Variants in ADCY10 observed in about 807,000 individuals in gnomAD.
The protein encoded by ADCY10 is adenylate cyclase 10, also known as adenylate cyclase type 10.
A neutral mutation model predicts 183.3 loss-of-function variants in ADCY10; 156 were observed. The observed-to-expected ratio is 0.85, with a 90% CI of 0.75 to 0.97. The LOEUF (loss-of-function observed/expected upper bound fraction) is 0.97, where lower values mean the gene tolerates loss of function less well. ADCY10 is among the 50% of genes least tolerant of loss of function. The pLI is 0.00. For synonymous variants in ADCY10, 645 were observed against 670.0 expected, an observed-to-expected ratio of 0.96 and a Z score of 0.58; for missense variants, 1,745 against 1,934.3, an observed-to-expected ratio of 0.90 and a Z score of 1.84.
intron 30 of ADCY10, chr1:167,820,951 G>A (rs941576012): frequency 6.6e-6 from 1 of 152,102 alleles, no homozygotes; most frequent in Admixed American, 6.5e-5. Flanking sequence ...AGAAGGAAGG[G>A]GTGGATTTCT....
At position 167,833,056 on chromosome 1, in the gene ADCY10, T is replaced by A; in HGVS notation, c.3524A>T (p.His1175Leu). 1 of 1,614,104 alleles carries A rather than the reference T, an allele frequency of 6.2e-7. No individual in the cohort carries two copies. Among genetic ancestry groups the A allele is most frequent in the Non-Finnish European group, 8.5e-7 (1 of 1,180,016 alleles). Residue 1175 changes from histidine (H) to leucine (L), a missense_variant, in exon 25 of 33, where the codon CAT (histidine) becomes CTT (leucine). Transcript: ENST00000367851. ...FPYNLISLFL[H>L]IHVEKNRHFH... ...GTGTCTGTTTTTCTCGACATGGATA[T>A]GGAGAAACAAGGAGATTAAGTTGTA...
intron 8 of ADCY10, among the ~76,000 whole-genome samples, chr1:167,889,694 C>T (rs1005522400): frequency 9.2e-5 from 14 of 152,116 alleles, no homozygotes; most frequent in South Asian, 2.1e-4. Flanking sequence ...GTGAATACTT[C>T]GGGTCCCAGA....
intron 14 of ADCY10, among the ~76,000 whole-genome samples, chr1:167,862,274 C>T (rs538416589): frequency 6.6e-6 from 1 of 152,260 alleles, no homozygotes; most frequent in African/African-American, 2.4e-5. Flanking sequence ...GTTGCAGATA[C>T]AATTAGTTAA....
chr1:167,876,492 G>A (rs1667479795), intron 12 of ADCY10, among the ~76,000 whole-genome samples: 1 of 152,070 alleles, frequency 6.6e-6, no homozygotes, highest in Non-Finnish European at 1.5e-5. Context: ...ACTTTGTTAT[G>A]CCTCTCTTAT....
chr1:167,819,176 C>A (rs978392625), intron 30 of ADCY10, among the ~76,000 whole-genome samples: 1 of 151,616 alleles, frequency 6.6e-6, no homozygotes, highest in African/African-American at 2.4e-5. Context: ...CTTTAATATT[C>A]TACCTGCATT....
chr1:167,857,225 G>T (rs981837213), intron 16 of ADCY10, among the ~76,000 whole-genome samples: 1 of 152,152 alleles, frequency 6.6e-6, no homozygotes, highest in South Asian at 2.1e-4. Context: ...GACTGCTAAT[G>T]GCTGCTTTTT....
chr1:167,907,275 T>C (rs1669883615), intron 1 of ADCY10, among the ~76,000 whole-genome samples: 1 of 152,258 alleles, frequency 6.6e-6, no homozygotes, highest in African/African-American at 2.4e-5. Context: ...GTAAACATAA[T>C]GTATTTGTTG....
intron 5 of ADCY10, among the ~76,000 whole-genome samples, chr1:167,900,354 T>A (rs1669314422): frequency 1.3e-5 from 2 of 152,114 alleles, no homozygotes; most frequent in Admixed American, 1.3e-4. Context: ...ATGTTTGGAC[T>A]TACTCTAAAA....
chr1:167,871,458 C>G (rs1456734990), intron 13 of ADCY10, among the ~76,000 whole-genome samples: 2 of 152,100 alleles, frequency 1.3e-5, no homozygotes, highest in African/African-American at 2.4e-5. Context: ...GGGTTACAAC[C>G]CTTATTTTTC....
chr1:167,860,522 C>A (rs112828350), intron 15 of ADCY10, among the ~76,000 whole-genome samples: 2,062 of 152,250 alleles, frequency 0.014, 16 homozygotes, highest in East Asian at 0.041. Flanking sequence ...GGGTTGAGGA[C>A]CCCTGTGTTA....
chr1:167,832,840 C>G, intron 25 of ADCY10, 147 bp downstream of exon 25: 2 of 801,860 alleles, frequency 2.5e-6, no homozygotes, highest in South Asian at 3.3e-5. Context: ...ACCTCCCACA[C>G]TCGCCCCCTC....
chr1:167,904,205 A>G (rs567871033), intron 2 of ADCY10, among the ~76,000 whole-genome samples: 7 of 149,690 alleles, frequency 4.7e-5, no homozygotes, highest in African/African-American at 1.7e-4. Context: ...CTCCTGCCTC[A>G]GCCTTCCGAG....
intron 24 of ADCY10, among the ~76,000 whole-genome samples, chr1:167,833,505 G>GCGTTATCCCA (rs1444551591): frequency 6.6e-6 from 1 of 152,170 alleles, no homozygotes; most frequent in Non-Finnish European, 1.5e-5. Context: ...CAGCACTTTG[G>GCGTTATCCCA]GAGGTCAGGG....
intron 2 of ADCY10, 101 bp downstream of exon 2, chr1:167,904,892 C>T (rs780854205): frequency 1.3e-6 from 2 of 1,517,544 alleles, no homozygotes; most frequent in Non-Finnish European, 1.8e-6. Context: ...AGCCCAAGGG[C>T]TCCAGAATGG....
At chr1:167,867,444 C>T (rs10918789) in intron 14 of ADCY10, among the ~76,000 whole-genome samples, 51,130 of 152,018 alleles carry the variant, frequency 0.34, 9,460 homozygotes, top group African/African-American at 0.5. Flanking sequence ...CATCAAGTCA[C>T]TGAGGTAGGA....
chr1:167,853,771 C>T (rs1413595160), intron 18 of ADCY10, among the ~76,000 whole-genome samples: 3 of 150,406 alleles, frequency 2.0e-5, no homozygotes, highest in Non-Finnish European at 3.0e-5. Flanking sequence ...AACATCAAAG[C>T]GGCCCTTCAG....
At chr1:167,819,000 T>C (rs1327349517) in intron 30 of ADCY10, among the ~76,000 whole-genome samples, 1 of 152,186 alleles carries the variant, frequency 6.6e-6, no homozygotes, top group East Asian at 1.9e-4. Context: ...TGGATTCTCA[T>C]TAATGCAGGT....
In ADCY10 at chr1:167,878,477, A is replaced by G. The variant is rs779390366; in HGVS notation, c.1375T>C (p.Leu459=). Residue 459 remains leucine (L), a synonymous_variant, in exon 12 of 33, where the codon TTG becomes CTG. Coordinates refer to ENST00000367851, the MANE Select transcript of ADCY10 (RefSeq NM_018417.6). ...VMKGVADSGP[L]YQYWGRTEKV... Reference sequence around the variant, plus strand: ...TCAGTACGGCCCCAATACTGATACAATGGTCCAGAATCTGCAACACCTTTC... The same window carrying G: ...TCAGTACGGCCCCAATACTGATACAGTGGTCCAGAATCTGCAACACCTTTC... The G allele has an allele frequency of 3.1e-6, 5 of 1,613,998 alleles. No homozygotes were observed. The highest frequency in any genetic ancestry group is 2.5e-6 in the Non-Finnish European group (3 of 1,180,020).
rs1333687782 is a variant in ADCY10, at chr1:167,852,742, C to A, written c.2308+1611G>T. Among the ~76,000 whole-genome samples, 4 of 151,696 alleles carry A rather than the reference C, an allele frequency of 2.6e-5. No homozygotes were observed. In the East Asian group the frequency reaches 7.8e-4, roughly 29 times the overall value. On this transcript the variant is annotated intron_variant, in intron 18 of 32. Transcript: ENST00000367851. Reference sequence around the variant, plus strand: ...ATCCAGAAAGAAAAAAAAAATTGATCTTTCCTTAAAAAGCAAGCTAATGTT... The same window carrying A: ...ATCCAGAAAGAAAAAAAAAATTGATATTTCCTTAAAAAGCAAGCTAATGTT...
Sources: allele counts gnomAD v4.1 joint callset (sites outside exome capture counted in the v4.1 genomes callset), GRCh38; gene constraint gnomAD v4.1.1; transcripts MANE v1.5; gene names NCBI Gene and HGNC (gene_info 2026-07-23, HGNC 2026-07-21).